Variants in ATP2C1 observed in about 807,000 individuals in gnomAD.
ATP2C1 encodes ATPase secretory pathway Ca2+ transporting 1.
A neutral mutation model predicts 120.5 loss-of-function variants in ATP2C1; 31 were observed. The observed-to-expected ratio is 0.26, with a 90% confidence interval of 0.19 to 0.35. The LOEUF (loss-of-function observed/expected upper bound fraction) is 0.35, where lower values mean the gene tolerates loss of function less well. Ranked by LOEUF, ATP2C1 falls within the 10% of genes least tolerant of loss-of-function variation. The pLI is 1.00. For synonymous variants in ATP2C1, 351 were observed against 358.7 expected (o/e 0.98, Z 0.24); for missense variants, 731 against 1,107.5 (o/e 0.66, Z 4.83).
intron 2 of ATP2C1, among the ~76,000 whole-genome samples, chr3:130,916,950 A>G (rs1429714002): frequency 1.3e-5 from 2 of 152,182 alleles, no homozygotes; most frequent in African/African-American, 4.8e-5. Flanking sequence ...AAAGCAGCTA[A>G]GGTCATTGGT....
At chr3:130,872,529 C>G (rs896359408) in intron 1 of ATP2C1, among the ~76,000 whole-genome samples, 2 of 151,750 alleles carry the variant, frequency 1.3e-5, no homozygotes, top group Non-Finnish European at 2.9e-5. Flanking sequence ...CAGTACTATG[C>G]CTATCTGTGA....
At chr3:130,865,473 A>G (rs2068142553) in intron 1 of ATP2C1, among the ~76,000 whole-genome samples, 1 of 152,158 alleles carries the variant, frequency 6.6e-6, no homozygotes, top group Admixed American at 6.5e-5. Context: ...AAATGTTAGG[A>G]GATGATATTT....
chr3:130,993,870 T>G, intron 21 of ATP2C1, 62 bp from the exon 22 acceptor site: 1 of 1,564,374 alleles, frequency 6.4e-7, no homozygotes, highest in East Asian at 2.3e-5. Context: ...TTTATCGCTT[T>G]GTATGGAAGC....
intron 12 of ATP2C1, among the ~76,000 whole-genome samples, chr3:130,960,751 A>C (rs2060785065): frequency 1.3e-5 from 2 of 152,148 alleles, no homozygotes; most frequent in African/African-American, 4.8e-5. Flanking sequence ...TAAATCTGTA[A>C]ATTGGGCCTA....
chr3:130,920,472 AG>A (rs2058902792), intron 2 of ATP2C1, among the ~76,000 whole-genome samples: 3 of 152,200 alleles, frequency 2.0e-5, no homozygotes, highest in African/African-American at 7.2e-5. Context: ...GTTGAAGATC[AG>A]TTGACCATAT....
intron 12 of ATP2C1, 191 bp from the exon 13 acceptor site, chr3:130,963,780 C>T: frequency 5.0e-6 from 3 of 600,966 alleles, no homozygotes; most frequent in Non-Finnish European, 8.6e-6. Context: ...ATTTTTTAAC[C>T]ACTGTGCTTA....
chr3:130,894,158 C>G lies in ATP2C1; in HGVS notation c.-360C>G. 3 of 649,918 alleles carry G rather than the reference C, an allele frequency of 4.6e-6. No individual in the cohort carries two copies. The highest frequency in any genetic ancestry group is 5.7e-6 in the Non-Finnish European group (3 of 523,464). 40.3% of individuals were successfully genotyped at this position (649,918 alleles called of 1,614,324 possible). A position where few individuals can be genotyped will look rare whatever the true frequency, so the allele number is the denominator to read the frequency against. ...CTCACCTCCTCTTCTCTCCCCTCCC[C>G]GCCCGCCCTCTCTCCCTCCCTTCCT... On this transcript the variant is annotated 5_prime_UTR_variant, in exon 1 of 28. Coordinates refer to ENST00000510168, the MANE Select transcript of ATP2C1 (RefSeq NM_001378687.1). The surrounding 1 kb of genome is among the most constrained non-coding windows in gnomAD (Gnocchi z 4.5).
chr3:130,865,381 AACTTTG>A (rs1390114537), intron 1 of ATP2C1, among the ~76,000 whole-genome samples: 2 of 152,140 alleles, frequency 1.3e-5, no homozygotes, highest in African/African-American at 4.8e-5. Flanking sequence ...TCTCAGGTGA[AACTTTG>A]AACTGTGGAC....
intron 2 of ATP2C1, among the ~76,000 whole-genome samples, chr3:130,903,071 A>G (rs1282241913): frequency 6.6e-6 from 1 of 152,194 alleles, no homozygotes; most frequent in East Asian, 1.9e-4. Context: ...TTCTCCATCT[A>G]TAGAATGGAA....
intron 8 of ATP2C1, among the ~76,000 whole-genome samples, chr3:130,946,620 G>A (rs1441472124): frequency 1.3e-5 from 2 of 152,116 alleles, no homozygotes; most frequent in Non-Finnish European, 2.9e-5. Flanking sequence ...ATCCATTACT[G>A]GAGCAATCAC....
At chr3:130,963,936 C>G in intron 12 of ATP2C1, 35 bp from the exon 13 acceptor site, 1 of 1,610,408 alleles carries the variant, frequency 6.2e-7, no homozygotes, top group Non-Finnish European at 8.5e-7. Flanking sequence ...TGCTGTTTAA[C>G]CTACATTTTA....
intron 26 of ATP2C1, chr3:131,016,114 A>G: frequency 6.2e-7 from 1 of 1,609,928 alleles, no homozygotes; most frequent in East Asian, 2.2e-5. Flanking sequence ...GTGTGCTTCC[A>G]TCTGAACTAA....
chr3:130,905,952 G>A (rs1047126623), intron 2 of ATP2C1, among the ~76,000 whole-genome samples: 1 of 151,948 alleles, frequency 6.6e-6, no homozygotes, highest in Non-Finnish European at 1.5e-5. Context: ...CATGCCCATC[G>A]ACTAAATCTT....
At chr3:130,952,616 A>G (rs1467041591) in intron 8 of ATP2C1, among the ~76,000 whole-genome samples, 1 of 152,186 alleles carries the variant, frequency 6.6e-6, no homozygotes, top group African/African-American at 2.4e-5. Flanking sequence ...ACTGTGCAGT[A>G]ATTTATCCTG....
intron 1 of ATP2C1, among the ~76,000 whole-genome samples, chr3:130,884,715 A>G (rs1438238589): frequency 6.6e-6 from 1 of 152,276 alleles, no homozygotes; most frequent in East Asian, 1.9e-4. Context: ...TAATTGTTAT[A>G]TCCTCTTGCT....
At chr3:130,965,810 C>T (rs2061023704) in intron 14 of ATP2C1, among the ~76,000 whole-genome samples, 1 of 152,036 alleles carries the variant, frequency 6.6e-6, no homozygotes, top group South Asian at 2.1e-4. Flanking sequence ...TAGTCCTTAT[C>T]TTAGGTAAAA....
At chr3:130,916,080 T>A (rs1576696248) in intron 2 of ATP2C1, among the ~76,000 whole-genome samples, 1 of 152,140 alleles carries the variant, frequency 6.6e-6, no homozygotes, top group Non-Finnish European at 1.5e-5. Flanking sequence ...GTAACATTCC[T>A]TTTAGAGATC....
Position 131,001,622 on chromosome 3 carries a change from A to G in ATP2C1, c.*272A>G. 9.0e-7 allele frequency: 1 copy of G among 1,116,414 alleles called. No homozygotes were observed. Among genetic ancestry groups the G allele is most frequent in the Non-Finnish European group, 1.1e-6 (1 of 909,154 alleles). 69.2% of individuals were successfully genotyped at this position (1,116,414 alleles called of 1,614,324 possible). A position where few individuals can be genotyped will look rare whatever the true frequency, so the allele number is the denominator to read the frequency against. On this transcript the variant is annotated 3_prime_UTR_variant, in exon 28 of 28. Transcript: ENST00000510168. ...GTCAGTTATTTAATTAAAAAGGCAA[A>G]ACCTGAACCACCTTCTGCACTTAAA...
chr3:130,915,102 TC>T (rs1211771293), intron 2 of ATP2C1, among the ~76,000 whole-genome samples: 2 of 149,770 alleles, frequency 1.3e-5, no homozygotes, highest in East Asian at 1.9e-4. Context: ...TTTTTTTTTT[TC>T]CCCCCCTTGA....
Sources: allele counts gnomAD v4.1 joint callset (sites outside exome capture counted in the v4.1 genomes callset), GRCh38; gene constraint gnomAD v4.1.1; non-coding constraint Gnocchi (gnomAD v3.1); transcripts MANE v1.5; gene names NCBI Gene and HGNC (gene_info 2026-07-23, HGNC 2026-07-21).